Variants in PRIM2 observed in about 807,000 individuals in gnomAD.
PRIM2 encodes the protein DNA primase large subunit.
Under a neutral mutation model 67.3 loss-of-function variants are expected in PRIM2, and 39 were observed. That is an observed-to-expected ratio of 0.58 (90% CI 0.45 to 0.76). The LOEUF (loss-of-function observed/expected upper bound fraction) is 0.76. Ranked by LOEUF, PRIM2 falls within the 30% of genes least tolerant of loss-of-function variation. The probability of loss-of-function intolerance (pLI) is 0.00; values close to 1 mark genes in which losing one functional copy is unlikely to be tolerated. For missense variants in PRIM2, 398 were observed against 598.7 expected (o/e 0.66, Z 3.50); for synonymous variants, 143 against 198.7 (o/e 0.72, Z 2.36).
intron 12 of PRIM2, among the ~76,000 whole-genome samples, chr6:57,629,319 CTGTT>C (rs1205055184): frequency 6.6e-6 from 1 of 152,112 alleles, no homozygotes; most frequent in Non-Finnish European, 1.5e-5. Flanking sequence ...CAGAAAATAT[CTGTT>C]TGTTAATCAT....
chr6:57,426,263 G>T (rs1279233184), intron 7 of PRIM2, among the ~76,000 whole-genome samples: 1 of 152,084 alleles, frequency 6.6e-6, no homozygotes, highest in Non-Finnish European at 1.5e-5. Flanking sequence ...TCCGTCCCAA[G>T]CAACCACTGA....
At chr6:57,542,536 AT>A (rs1340153625) in intron 10 of PRIM2, among the ~76,000 whole-genome samples, 1 of 152,102 alleles carries the variant, frequency 6.6e-6, no homozygotes, top group African/African-American at 2.4e-5. Flanking sequence ...GTATGTTTAA[AT>A]TTTTTTATTA....
chr6:57,437,399 C>A (rs1421309010), intron 7 of PRIM2, among the ~76,000 whole-genome samples: 1 of 152,166 alleles, frequency 6.6e-6, no homozygotes, highest in Non-Finnish European at 1.5e-5. Context: ...TACCTTTATT[C>A]ACTCATTCTT....
intron 13 of PRIM2, among the ~76,000 whole-genome samples, chr6:57,638,465 G>C (rs1777161958): frequency 6.7e-6 from 1 of 149,686 alleles, no homozygotes; most frequent in African/African-American, 2.5e-5. Flanking sequence ...CAAATTGGAT[G>C]AAGAGTCAAG....
chr6:57,438,814 C>A (rs1772098601), intron 7 of PRIM2, among the ~76,000 whole-genome samples: 1 of 151,700 alleles, frequency 6.6e-6, no homozygotes, highest in Non-Finnish European at 1.5e-5. Context: ...TCTCTTGTGC[C>A]CAGGCTGGAG....
intron 7 of PRIM2, among the ~76,000 whole-genome samples, chr6:57,392,857 T>C (rs1770399938): frequency 6.6e-6 from 1 of 152,070 alleles, no homozygotes; most frequent in Non-Finnish European, 1.5e-5. Context: ...TACATCCTCA[T>C]AGCATAGCTC....
At chr6:57,320,100 A>G (rs774755127) in intron 2 of PRIM2, among the ~76,000 whole-genome samples, 1 of 152,194 alleles carries the variant, frequency 6.6e-6, no homozygotes, top group Non-Finnish European at 1.5e-5. Flanking sequence ...AATGATGCCT[A>G]CTGCCTAACA....
chr6:57,335,831 C>T (rs941966608), intron 5 of PRIM2, among the ~76,000 whole-genome samples: 2 of 152,240 alleles, frequency 1.3e-5, no homozygotes, highest in African/African-American at 4.8e-5. Flanking sequence ...CGCAGTTCCT[C>T]ACCAGCAACG....
intron 7 of PRIM2, among the ~76,000 whole-genome samples, chr6:57,452,305 G>T (rs1465089586): frequency 6.6e-6 from 1 of 152,102 alleles, no homozygotes; most frequent in South Asian, 2.1e-4. Context: ...ACCCAGTAAT[G>T]GGATTGCTGG....
chr6:57,294,441 A>G, the PRIM2 span, among the ~76,000 whole-genome samples: 25 of 152,284 alleles, frequency 1.6e-4, no homozygotes, highest in African/African-American at 5.8e-4. Context: ...AGATCGTGCT[A>G]CTGCACTCCA....
At chr6:57,259,043 C>T in the PRIM2 span, among the ~76,000 whole-genome samples, 1 of 152,146 alleles carries the variant, frequency 6.6e-6, no homozygotes, top group South Asian at 2.1e-4. Flanking sequence ...CCATGGCAAA[C>T]ACATGGATAT....
chr6:57,540,681 T>G (rs1775129776), intron 10 of PRIM2, among the ~76,000 whole-genome samples: 1 of 152,148 alleles, frequency 6.6e-6, no homozygotes, highest in Non-Finnish European at 1.5e-5. Context: ...AAAGTTAAAA[T>G]TTATCAAAAC....
chr6:57,565,904 A>ATT (rs1220716697), intron 10 of PRIM2, among the ~76,000 whole-genome samples: 2 of 152,142 alleles, frequency 1.3e-5, no homozygotes, highest in Non-Finnish European at 2.9e-5. Flanking sequence ...TCATGTTCCG[A>ATT]TTTCTCCAAT....
rs562266551 is a variant in PRIM2, at chr6:57,347,314, G to A, written c.459+21269G>A. Among the ~76,000 whole-genome samples the A allele has an allele frequency of 1.1e-3, 170 of 152,206 alleles. 2 individuals carry two copies. Among genetic ancestry groups the A allele is most frequent in the African/African-American group, 3.9e-3 (163 of 41,518 alleles). ...ATTTATTGATGACTGTATAAGTAGTGGACTTATTAAGGTTTAGATTTATCT... is the reference window on the plus strand; with the variant it reads ...ATTTATTGATGACTGTATAAGTAGTAGACTTATTAAGGTTTAGATTTATCT... On this transcript the variant is annotated intron_variant, in intron 5 of 13. Coordinates refer to ENST00000615550, the MANE Select transcript of PRIM2 (RefSeq NM_000947.5).
chr6:57,522,933 A>G (rs1330840786), intron 8 of PRIM2, among the ~76,000 whole-genome samples: 1 of 152,226 alleles, frequency 6.6e-6, no homozygotes, highest in African/African-American at 2.4e-5. Context: ...ATAATGATAG[A>G]CTCACAAAAT....
chr6:57,585,157 C>T (rs1399458850), intron 10 of PRIM2, among the ~76,000 whole-genome samples: 4 of 152,096 alleles, frequency 2.6e-5, no homozygotes, highest in African/African-American at 9.7e-5. Context: ...GCAGATTTTT[C>T]TAATGAAGAA....
At chr6:57,638,066 A>C (rs1162082498) in intron 13 of PRIM2, among the ~76,000 whole-genome samples, 1 of 151,348 alleles carries the variant, frequency 6.6e-6, no homozygotes, top group African/African-American at 2.5e-5. Flanking sequence ...CAGAAACCCT[A>C]CAAGCCAGAA....
chr6:57,513,156 C>G (rs1259497079), intron 8 of PRIM2, among the ~76,000 whole-genome samples: 1 of 151,132 alleles, frequency 6.6e-6, no homozygotes, highest in Non-Finnish European at 1.5e-5. Flanking sequence ...CTCATTGTGG[C>G]TTTACTGTCA....
At chr6:57,406,037 G>A (rs1384498485) in intron 7 of PRIM2, among the ~76,000 whole-genome samples, 1 of 152,214 alleles carries the variant, frequency 6.6e-6, no homozygotes, top group Non-Finnish European at 1.5e-5. Context: ...TAAAGAGGCA[G>A]CACAGAAAAT....
Sources: gnomAD v4.1 joint callset for allele counts (sites outside exome capture counted in the v4.1 genomes callset) on GRCh38, gnomAD v4.1.1 for gene constraint, MANE v1.5 for transcripts, NCBI Gene and HGNC (gene_info 2026-07-23, HGNC 2026-07-21) for gene names.